IQCJ: variants seen among roughly 807,000 people sequenced by gnomAD.
IQCJ encodes the protein IQ motif containing J.
In IQCJ, 9 loss-of-function variants were observed where a neutral mutation model predicts 11.0. The ratio of observed to expected loss-of-function variants is 0.82; its 90% CI spans 0.49 to 1.43. The LOEUF is 1.43. Ranked by LOEUF, IQCJ falls within the 40% of genes most tolerant of loss-of-function variation. IQCJ has a pLI of 0.00. For synonymous variants in IQCJ, 55 were observed against 51.3 expected, an observed-to-expected ratio of 1.07 and a Z score of -0.31; for missense variants, 146 against 133.2, an observed-to-expected ratio of 1.10 and a Z score of -0.47.
rs148997043 is a variant in IQCJ at position 159,234,316 on chromosome 3, G to A, written c.10-11527G>A. On this transcript the variant is annotated intron_variant, in intron 1 of 3. Coordinates refer to ENST00000397832, the MANE Select transcript of IQCJ (RefSeq NM_001042706.3). ...ATTAATGTTAGTAGTAATAAAAATA[G>A]TTCAAAGAAATGACATAGAATTAGT... Among the ~76,000 whole-genome samples the A allele has an allele frequency of 2.7e-4, 41 of 152,264 alleles. 1 individual carries two copies. The East Asian group carries it at 7.9e-3, about 29-fold the overall frequency.
At chr3:159,244,802 G>C (rs1454146256) in intron 1 of IQCJ, among the ~76,000 whole-genome samples, 1 of 152,112 alleles carries the variant, frequency 6.6e-6, no homozygotes, top group Non-Finnish European at 1.5e-5. Context: ...ATCATGTAGA[G>C]GCTAGTCCTG....
chr3:159,084,146 A>ATGACAACC (rs1336922485), intron 1 of IQCJ, among the ~76,000 whole-genome samples: 28 of 152,136 alleles, frequency 1.8e-4, no homozygotes, highest in African/African-American at 6.5e-4. Context: ...ATATTTATGT[A>ATGACAACC]AGATGTCATC....
At chr3:159,132,638 A>G (rs932964919) in intron 1 of IQCJ, among the ~76,000 whole-genome samples, 2 of 152,184 alleles carry the variant, frequency 1.3e-5, no homozygotes, top group Non-Finnish European at 2.9e-5. Flanking sequence ...CTGATCACCA[A>G]TCGATTCCTC....
rs146726175 is a variant in IQCJ at position 159,229,161 on chromosome 3, C to T, written c.10-16682C>T. Among the ~76,000 whole-genome samples, 975 of 152,244 alleles carry T rather than the reference C, an allele frequency of 6.4e-3. 3 individuals carry two copies. The highest frequency in any genetic ancestry group is 0.022 in the African/African-American group (918 of 41,528). On this transcript the variant is annotated intron_variant, in intron 1 of 3. Coordinates refer to ENST00000397832, the MANE Select transcript of IQCJ (RefSeq NM_001042706.3). The stretch of plus-strand genomic sequence containing the variant: ...TACTGAACAAGCCTCTATTCCACAC[C>T]CTGGAACTTTACATTTTAACTTTGG...
At chr3:159,179,206 T>G (rs898978379) in intron 1 of IQCJ, among the ~76,000 whole-genome samples, 3 of 152,196 alleles carry the variant, frequency 2.0e-5, no homozygotes, top group Non-Finnish European at 4.4e-5. Flanking sequence ...ATGCTAGACA[T>G]GGAACCAGGG....
Position 159,125,575 on chromosome 3 carries a change from G to A in IQCJ, c.9+56134G>A, listed in dbSNP as rs563154466. Among the ~76,000 whole-genome samples, 7 of 152,302 alleles carry A rather than the reference G, an allele frequency of 4.6e-5. No homozygotes were observed. In the South Asian group the frequency reaches 1.5e-3, roughly 32 times the overall value. The stretch of plus-strand genomic sequence containing the variant: ...TATGGGAAGTCTCTGTACTACGTTT[G>A]TATTTTTCCTGGTAAATCTAAAACT... On this transcript the variant is annotated intron_variant, in intron 1 of 3. Coordinates refer to ENST00000397832, the MANE Select transcript of IQCJ (RefSeq NM_001042706.3).
At chr3:159,132,050 A>G (rs1720023515) in intron 1 of IQCJ, among the ~76,000 whole-genome samples, 1 of 152,096 alleles carries the variant, frequency 6.6e-6, no homozygotes. Flanking sequence ...TGACCCATAG[A>G]TCCTCACCCT....
chr3:159,236,191 C>T (rs1237246212), intron 1 of IQCJ, among the ~76,000 whole-genome samples: 2 of 150,610 alleles, frequency 1.3e-5, no homozygotes, highest in African/African-American at 2.4e-5. Context: ...AGGTAACTTC[C>T]CTGTGTGAAA....
At chr3:159,230,274 C>A (rs950332439) in intron 1 of IQCJ, among the ~76,000 whole-genome samples, 5 of 152,198 alleles carry the variant, frequency 3.3e-5, no homozygotes, top group African/African-American at 1.2e-4. Flanking sequence ...ACCACATTTT[C>A]TTTATCCAAT....
chr3:159,141,656 A>G (rs1720611284), intron 1 of IQCJ, among the ~76,000 whole-genome samples: 1 of 152,236 alleles, frequency 6.6e-6, no homozygotes, highest in South Asian at 2.1e-4. Flanking sequence ...GTTAATTAAT[A>G]TCTATAATTA....
At chr3:159,179,547 T>A (rs566588015) in intron 1 of IQCJ, among the ~76,000 whole-genome samples, 5 of 151,396 alleles carry the variant, frequency 3.3e-5, no homozygotes, top group Admixed American at 6.5e-5. Flanking sequence ...GTGTGAATCA[T>A]CTTCTCACTG....
chr3:159,257,882 G>A (rs1333719069), intron 3 of IQCJ, among the ~76,000 whole-genome samples: 2 of 152,142 alleles, frequency 1.3e-5, no homozygotes, highest in Admixed American at 1.3e-4. Context: ...GGGAACAAAC[G>A]TAATGGGGAG....
At chr3:159,126,948 G>A (rs1342470730) in intron 1 of IQCJ, among the ~76,000 whole-genome samples, 2 of 152,192 alleles carry the variant, frequency 1.3e-5, no homozygotes, top group Admixed American at 1.3e-4. Flanking sequence ...TGGGTCAGCC[G>A]GTGGTTGACA....
chr3:159,187,549 G>A (rs956265327), intron 1 of IQCJ, among the ~76,000 whole-genome samples: 3 of 152,228 alleles, frequency 2.0e-5, no homozygotes, highest in African/African-American at 4.8e-5. Context: ...ACCATGCTCC[G>A]CGCGGTCAGG....
At chr3:159,138,412 A>G (rs1720419133) in intron 1 of IQCJ, among the ~76,000 whole-genome samples, 4 of 152,226 alleles carry the variant, frequency 2.6e-5, no homozygotes, top group Non-Finnish European at 5.9e-5. Context: ...TAAAATTTTG[A>G]GAGACTATGA....
At chr3:159,162,855 C>A (rs1010256174) in intron 1 of IQCJ, among the ~76,000 whole-genome samples, 1 of 152,164 alleles carries the variant, frequency 6.6e-6, no homozygotes, top group Non-Finnish European at 1.5e-5. Flanking sequence ...CAAATACACC[C>A]TCCCAAGACT....
At chr3:159,146,870 G>C (rs1320439473) in intron 1 of IQCJ, among the ~76,000 whole-genome samples, 1 of 152,114 alleles carries the variant, frequency 6.6e-6, no homozygotes, top group Non-Finnish European at 1.5e-5. Context: ...ATAGTCAAGG[G>C]CTGTCAGGTG....
rs187406210 is a variant in IQCJ at position 159,151,074 on chromosome 3, G to C, written c.9+81633G>C. On this transcript the variant is annotated intron_variant, in intron 1 of 3. Coordinates refer to ENST00000397832, the MANE Select transcript of IQCJ (RefSeq NM_001042706.3). ...AATCAATGTCAAACTTTTAGCCCCTGTGTCACCTTCCACCTTCCTTGCAGC... is the reference window on the plus strand; with the variant it reads ...AATCAATGTCAAACTTTTAGCCCCTCTGTCACCTTCCACCTTCCTTGCAGC... Among the ~76,000 whole-genome samples, 317 of 152,294 alleles carry C rather than the reference G, an allele frequency of 2.1e-3. 1 individual carries two copies. The highest frequency in any genetic ancestry group is 6.8e-3 in the Middle Eastern group (2 of 294).
intron 1 of IQCJ, among the ~76,000 whole-genome samples, chr3:159,120,070 A>G (rs1347537559): frequency 1.3e-5 from 2 of 152,202 alleles, no homozygotes; most frequent in South Asian, 4.1e-4. Flanking sequence ...TAATATGTGC[A>G]TTACTACATA....
Sources: gnomAD v4.1 joint callset for allele counts (sites outside exome capture counted in the v4.1 genomes callset) on GRCh38, gnomAD v4.1.1 for gene constraint, MANE v1.5 for transcripts, NCBI Gene and HGNC (gene_info 2026-07-23, HGNC 2026-07-21) for gene names.